Variants in GRM8 observed in about 807,000 individuals in gnomAD.
The protein encoded by GRM8 is metabotropic glutamate receptor 8.
Under a neutral mutation model 87.2 loss-of-function variants are expected in GRM8, and 47 were observed. That is an observed-to-expected ratio of 0.54 (90% CI 0.43 to 0.69). GRM8 has a LOEUF of 0.69. GRM8 is among the 30% of genes least tolerant of loss of function. The pLI is 0.00. For missense variants in GRM8, 1,019 were observed against 1,139.2 expected (o/e 0.89, Z 1.52); for synonymous variants, 396 against 404.5 (o/e 0.98, Z 0.25).
At chr7:126,841,019 T>A (rs1196795192) in intron 6 of GRM8, among the ~76,000 whole-genome samples, 1 of 152,260 alleles carries the variant, frequency 6.6e-6, no homozygotes, top group Non-Finnish European at 1.5e-5. Flanking sequence ...GAATAATGCA[T>A]GCATTGGCAG....
At chr7:126,812,939 T>G (rs1793435158) in intron 6 of GRM8, among the ~76,000 whole-genome samples, 1 of 152,058 alleles carries the variant, frequency 6.6e-6, no homozygotes, top group Admixed American at 6.6e-5. Context: ...GCATTTAGGT[T>G]GATTTCATAG....
chr7:127,048,604 T>C (rs1015399793), intron 3 of GRM8, among the ~76,000 whole-genome samples: 3 of 152,158 alleles, frequency 2.0e-5, no homozygotes, highest in South Asian at 4.1e-4. Flanking sequence ...TATGCCCTTC[T>C]TCCAGATGCA....
intron 2 of GRM8, among the ~76,000 whole-genome samples, chr7:127,119,411 G>A (rs970688284): frequency 2.6e-5 from 4 of 152,004 alleles, no homozygotes; most frequent in East Asian, 1.9e-4. Flanking sequence ...ACTTGAACCC[G>A]GGAGACAGAG....
At chr7:127,008,999 T>G (rs139230935) in intron 3 of GRM8, among the ~76,000 whole-genome samples, 1 of 152,256 alleles carries the variant, frequency 6.6e-6, no homozygotes, top group East Asian at 1.9e-4. Context: ...TTTGCATTCT[T>G]TCTTCTTTTA....
At chr7:126,807,259 A>C (rs1049063626) in intron 6 of GRM8, among the ~76,000 whole-genome samples, 1 of 152,132 alleles carries the variant, frequency 6.6e-6, no homozygotes, top group African/African-American at 2.4e-5. Flanking sequence ...TAGCTCTCTA[A>C]ATGGCACAAG....
In GRM8 at chr7:126,533,040, T is replaced by C; in HGVS notation, c.2342A>G (p.Lys781Arg). The C allele has an allele frequency of 6.2e-7, 1 of 1,613,490 alleles. No homozygotes were observed. The highest frequency in any genetic ancestry group is 8.5e-7 in the Non-Finnish European group (1 of 1,179,808). Residue 781 changes from lysine to arginine, a missense_variant, in exon 9 of 11, where the codon AAA becomes AGA. Physicochemically the swap from Lys to Arg is conservative, Grantham distance 26 (BLOSUM62 2). Coordinates refer to ENST00000339582, the MANE Select transcript of GRM8 (RefSeq NM_000845.3). ...GGTATACATGGTAAATCCAATAGGT[T>C]TGGCTTCATTGAAAGTCTCTGGGAC... ...RGVPETFNEA[K>R]PIGFTMYTTC...
intron 3 of GRM8, among the ~76,000 whole-genome samples, chr7:127,088,877 C>T (rs1434802307): frequency 6.6e-6 from 1 of 152,208 alleles, no homozygotes; most frequent in Non-Finnish European, 1.5e-5. Flanking sequence ...ATAGCACCTT[C>T]CCCAGGCCAC....
At chr7:127,185,732 T>G (rs1163370033) in intron 2 of GRM8, among the ~76,000 whole-genome samples, 2 of 152,156 alleles carry the variant, frequency 1.3e-5, no homozygotes, top group Non-Finnish European at 2.9e-5. Context: ...TTTGGGAGAT[T>G]AAGAAGGAAG....
At chr7:127,199,312 T>A (rs1289261803) in intron 2 of GRM8, among the ~76,000 whole-genome samples, 1 of 152,252 alleles carries the variant, frequency 6.6e-6, no homozygotes, top group African/African-American at 2.4e-5. Flanking sequence ...GCACAGCCAA[T>A]TGAATGCTTA....
intron 7 of GRM8, among the ~76,000 whole-genome samples, chr7:126,627,513 A>C (rs183745121): frequency 7.3e-4 from 111 of 152,264 alleles, no homozygotes; most frequent in African/African-American, 2.6e-3. Flanking sequence ...TGTCTCCCTT[A>C]ACAGTTCTTG....
In GRM8 at chr7:126,666,318, G is replaced by A. The variant is rs566780241; in HGVS notation, c.1358-56820C>T. ...GCACGGTAATAGCAGATATTGAGATGACAGAGTCAGGATCCAAAATTATCT... is the reference window on the plus strand; with the variant it reads ...GCACGGTAATAGCAGATATTGAGATAACAGAGTCAGGATCCAAAATTATCT... On this transcript the variant is annotated intron_variant, in intron 7 of 10. Transcript: ENST00000339582. Among the ~76,000 whole-genome samples the A allele has an allele frequency of 3.9e-5, 6 of 152,236 alleles. No homozygotes were observed. The East Asian group carries it at 1.2e-3, about 29-fold the overall frequency.
chr7:127,182,825 T>C (rs1270474154), intron 2 of GRM8, among the ~76,000 whole-genome samples: 1 of 151,678 alleles, frequency 6.6e-6, no homozygotes, highest in Non-Finnish European at 1.5e-5. Flanking sequence ...ATGTTCTAAC[T>C]AATATGTCAG....
At chr7:126,489,776 G>C (rs577982990) in intron 9 of GRM8, among the ~76,000 whole-genome samples, 1 of 152,176 alleles carries the variant, frequency 6.6e-6, no homozygotes, top group East Asian at 1.9e-4. Context: ...TGGTGTGTGA[G>C]TGAGTGTGTT....
intron 8 of GRM8, among the ~76,000 whole-genome samples, chr7:126,538,786 A>G (rs978254643): frequency 6.6e-6 from 1 of 152,118 alleles, no homozygotes; most frequent in Non-Finnish European, 1.5e-5. Flanking sequence ...ATATAAATGC[A>G]TACAATCTGC....
Position 127,047,623 on chromosome 7 carries a change from A to G in GRM8, c.727+58873T>C, listed in dbSNP as rs139051394. Among the ~76,000 whole-genome samples, 3 of 152,220 alleles carry G rather than the reference A, an allele frequency of 2.0e-5. No individual in the cohort carries two copies. In the East Asian group the frequency reaches 5.8e-4, roughly 29 times the overall value. On this transcript the variant is annotated intron_variant, in intron 3 of 10. Transcript: ENST00000339582. ...GCAGGAGTATCAGATTGAGCCCAGG[A>G]GTCTGAGACCAGCCTGAACAACATA...
chr7:127,003,662 G>A (rs952492559), intron 3 of GRM8, among the ~76,000 whole-genome samples: 3 of 151,718 alleles, frequency 2.0e-5, no homozygotes, highest in Admixed American at 1.3e-4. Context: ...GAGGTAACAC[G>A]TCAAAGTCTA....
intron 3 of GRM8, among the ~76,000 whole-genome samples, chr7:127,038,296 T>C (rs538296385): frequency 6.6e-6 from 1 of 152,064 alleles, no homozygotes; most frequent in Non-Finnish European, 1.5e-5. Flanking sequence ...AAGAAAAATA[T>C]AAGACAATAC....
intron 8 of GRM8, among the ~76,000 whole-genome samples, chr7:126,604,361 C>T (rs1798144293): frequency 6.6e-6 from 1 of 152,098 alleles, no homozygotes. Flanking sequence ...CCTCTCTTTA[C>T]AGCTACTCCC....
At chr7:127,000,963 G>C (rs1362280820) in intron 3 of GRM8, among the ~76,000 whole-genome samples, 1 of 151,400 alleles carries the variant, frequency 6.6e-6, no homozygotes. Flanking sequence ...AAATGTAAAG[G>C]ATCCACAATA....
Sources: allele counts gnomAD v4.1 joint callset (sites outside exome capture counted in the v4.1 genomes callset), GRCh38; gene constraint gnomAD v4.1.1; transcripts MANE v1.5; gene names NCBI Gene and HGNC (gene_info 2026-07-23, HGNC 2026-07-21).